The following RARB variants were observed in gnomAD, a reference collection of about 807,000 sequenced individuals.
The protein encoded by RARB is retinoic acid receptor beta.
RARB carries 17 observed loss-of-function variants against 51.9 expected under a neutral mutation model. The observed-to-expected ratio is 0.33, with a 90% CI of 0.22 to 0.49. The LOEUF is 0.49. Among genes scored for constraint, RARB ranks in the 20% least tolerant of loss-of-function variants. The pLI is 0.99. For synonymous variants in RARB, 215 were observed against 195.4 expected (o/e 1.10, Z -0.84); for missense variants, 369 against 550.8 (o/e 0.67, Z 3.30).
intron 2 of RARB, among the ~76,000 whole-genome samples, chr3:24,891,273 A>G (rs1703373387): frequency 1.3e-5 from 2 of 152,184 alleles, no homozygotes; most frequent in South Asian, 4.1e-4. Flanking sequence ...CTTTCATGCT[A>G]GAGGTAGTAT....
intron 3 of RARB, among the ~76,000 whole-genome samples, chr3:25,567,085 C>A (rs1286729): frequency 1.3e-5 from 2 of 152,062 alleles, no homozygotes; most frequent in Non-Finnish European, 1.5e-5. Context: ...TCAAACAGTT[C>A]CTGGTATTTA....
chr3:24,872,486 T>C (rs570543046), intron 2 of RARB, among the ~76,000 whole-genome samples: 2 of 152,324 alleles, frequency 1.3e-5, no homozygotes, highest in East Asian at 1.9e-4. Context: ...CTTCATACTA[T>C]GCAAGAAGCA....
At chr3:25,166,549 C>A (rs1381090706) in intron 4 of RARB, among the ~76,000 whole-genome samples, 1 of 152,132 alleles carries the variant, frequency 6.6e-6, no homozygotes, top group Non-Finnish European at 1.5e-5. Flanking sequence ...CAAAGAAGTA[C>A]AAAAGAATTT....
intron 5 of RARB, among the ~76,000 whole-genome samples, chr3:25,283,760 A>C (rs1231467742): frequency 6.6e-6 from 1 of 152,174 alleles, no homozygotes; most frequent in Non-Finnish European, 1.5e-5. Context: ...CTAAGGGGGC[A>C]GTTTGTGAAT....
intron 5 of RARB, among the ~76,000 whole-genome samples, chr3:25,240,462 G>A (rs1483438432): frequency 2.0e-5 from 3 of 152,122 alleles, no homozygotes; most frequent in East Asian, 1.9e-4. Flanking sequence ...TTAACTATGT[G>A]TTTGTTATAT....
At chr3:25,508,635 G>GT (rs1697729833) in intron 3 of RARB, among the ~76,000 whole-genome samples, 1 of 152,114 alleles carries the variant, frequency 6.6e-6, no homozygotes, top group South Asian at 2.1e-4. Context: ...TTGTTCCCGT[G>GT]TTAGATCCCA....
chr3:25,143,735 C>T (rs545921116), intron 4 of RARB, among the ~76,000 whole-genome samples: 1 of 152,330 alleles, frequency 6.6e-6, no homozygotes, highest in South Asian at 2.1e-4. Flanking sequence ...AATTAGACTG[C>T]TTGAGTTCAA....
chr3:25,440,363 C>G (rs909071879), intron 1 of RARB, among the ~76,000 whole-genome samples: 3 of 151,340 alleles, frequency 2.0e-5, no homozygotes, highest in Non-Finnish European at 2.9e-5. Context: ...GGAGGATAAT[C>G]GGAGCCTGGG....
intron 5 of RARB, among the ~76,000 whole-genome samples, chr3:25,268,572 G>T (rs17016120): frequency 0.1 from 15,773 of 152,178 alleles, 996 homozygotes; most frequent in South Asian, 0.25. Flanking sequence ...ATTTATTAAT[G>T]TTAGCCCCTC....
intron 5 of RARB, among the ~76,000 whole-genome samples, chr3:25,272,531 C>T (rs1405025095): frequency 6.6e-6 from 1 of 152,192 alleles, no homozygotes; most frequent in Non-Finnish European, 1.5e-5. Context: ...TCCCCTTAGG[C>T]AGTAATTCTC....
chr3:25,175,196 G>C (rs1450286757), intron 5 of RARB, among the ~76,000 whole-genome samples: 1 of 152,194 alleles, frequency 6.6e-6, no homozygotes, highest in Non-Finnish European at 1.5e-5. Flanking sequence ...CTCCAAGACT[G>C]ATATGACTTC....
chr3:25,013,574 C>T (rs374487667), intron 2 of RARB, among the ~76,000 whole-genome samples: 2 of 152,194 alleles, frequency 1.3e-5, no homozygotes, highest in East Asian at 3.9e-4. Context: ...CCTTAACCAC[C>T]ATTTGCCCTC....
intron 5 of RARB, among the ~76,000 whole-genome samples, chr3:25,397,430 G>C (rs1449285077): frequency 6.6e-6 from 1 of 152,156 alleles, no homozygotes; most frequent in African/African-American, 2.4e-5. Flanking sequence ...CCTTCAAAGG[G>C]TCTGTGAATT....
chr3:25,059,973 T>C (rs1698516213), intron 2 of RARB, among the ~76,000 whole-genome samples: 1 of 151,744 alleles, frequency 6.6e-6, no homozygotes, highest in African/African-American at 2.4e-5. Context: ...TAGAAAATCT[T>C]AAGTTGTGGG....
At chr3:25,344,255 C>T (rs113627705) in intron 5 of RARB, among the ~76,000 whole-genome samples, 6,532 of 152,070 alleles carry the variant, frequency 0.043, 168 homozygotes, top group Middle Eastern at 0.065. Flanking sequence ...TCACATCATA[C>T]GTATGAAAAA....
At chr3:24,926,077 G>T (rs546445732) in intron 2 of RARB, among the ~76,000 whole-genome samples, 1 of 152,200 alleles carries the variant, frequency 6.6e-6, no homozygotes, top group Admixed American at 6.6e-5. Context: ...GACATTTATA[G>T]AAAATATGGT....
chr3:25,083,260 GTCTTT>G (rs1360194660), intron 3 of RARB, among the ~76,000 whole-genome samples: 2 of 151,960 alleles, frequency 1.3e-5, no homozygotes, highest in African/African-American at 4.8e-5. Flanking sequence ...TACCAAATCT[GTCTTT>G]TCTTAGGGGA....
intron 4 of RARB, among the ~76,000 whole-genome samples, chr3:25,138,700 T>C (rs577133552): frequency 6.6e-6 from 1 of 152,254 alleles, no homozygotes; most frequent in African/African-American, 2.4e-5. Flanking sequence ...AATTATTTTT[T>C]ATTGAAACCA....
intron 5 of RARB, among the ~76,000 whole-genome samples, chr3:25,346,494 T>G (rs1280854886): frequency 6.6e-6 from 1 of 151,728 alleles, no homozygotes; most frequent in African/African-American, 2.4e-5. Flanking sequence ...ATTTATTGCT[T>G]TTTATCTCTA....
Sources: gnomAD v4.1 joint callset for allele counts (sites outside exome capture counted in the v4.1 genomes callset) on GRCh38, gnomAD v4.1.1 for gene constraint, MANE v1.5 for transcripts, NCBI Gene and HGNC (gene_info 2026-07-23, HGNC 2026-07-21) for gene names.